Variants in NUP210L observed in about 807,000 individuals in gnomAD.
The protein encoded by NUP210L is nuclear pore membrane glycoprotein 210-like.
NUP210L carries 74 observed loss-of-function variants against 208.5 expected under a neutral mutation model. The observed-to-expected ratio is 0.35, with a 90% CI of 0.29 to 0.43. The LOEUF is 0.43. Ranked by LOEUF, NUP210L falls within the 20% of genes least tolerant of loss-of-function variation. NUP210L has a pLI of 1.00. For missense variants in NUP210L, 1,843 were observed against 2,289.4 expected (o/e 0.81, Z 3.98); for synonymous variants, 780 against 816.9 (o/e 0.95, Z 0.77).
At chr1:154,131,230 CCACTGCACTCCAGCCCGGG>C (rs1658236065) in intron 7 of NUP210L, among the ~76,000 whole-genome samples, 1 of 150,874 alleles carries the variant, frequency 6.6e-6, no homozygotes, top group Non-Finnish European at 1.5e-5. Context: ...CAAGATGGCG[CCACTGCACTCCAGCCCGGG>C]CAACAGAGCG....
At chr1:154,095,229 T>C in intron 14 of NUP210L, 73 bp from the exon 15 acceptor site, 1 of 1,073,430 alleles carries the variant, frequency 9.3e-7, no homozygotes, top group Non-Finnish European at 1.4e-6. Flanking sequence ...AAACACTAGT[T>C]ATCTGAATAT....
At chr1:154,096,089 T>C (rs1656167551) in intron 14 of NUP210L, among the ~76,000 whole-genome samples, 1 of 152,182 alleles carries the variant, frequency 6.6e-6, no homozygotes, top group Admixed American at 6.5e-5. Flanking sequence ...ATGCTATCCA[T>C]TCCCGAGGCC....
chr1:154,023,344 A>C, intron 30 of NUP210L, 47 bp from the exon 31 acceptor site: 2 of 1,437,926 alleles, frequency 1.4e-6, no homozygotes, highest in African/African-American at 2.8e-5. Flanking sequence ...GCACTGGAGA[A>C]GTGCTGCAAC....
chr1:154,154,839 CA>C lies in NUP210L; in HGVS notation c.203+2del. The C allele has an allele frequency of 6.2e-7, 1 of 1,613,186 alleles. No individual in the cohort carries two copies. The highest frequency in any genetic ancestry group is 8.5e-7 in the Non-Finnish European group (1 of 1,179,130). The stretch of plus-strand genomic sequence containing the variant: ...CATATCCTTGTCACCCACCACCCCT[CA>C]CCAAGTGTAGCAGCCCCGCTGGGCC... On this transcript the variant is annotated splice_donor_variant, in intron 1 of 39. Coordinates refer to ENST00000368559, the Ensembl canonical transcript of NUP210L. LOFTEE classifies it high-confidence loss of function.
intron 35 of NUP210L, among the ~76,000 whole-genome samples, chr1:154,005,252 G>A (rs936422826): frequency 6.6e-6 from 1 of 150,722 alleles, no homozygotes; most frequent in African/African-American, 2.4e-5. Context: ...ATGGAGTCTT[G>A]TCTGTCGCCC....
intron 38 of NUP210L, among the ~76,000 whole-genome samples, chr1:153,993,790 C>T (rs187728368): frequency 2.0e-5 from 3 of 152,046 alleles, no homozygotes; most frequent in African/African-American, 4.8e-5. Context: ...TCCAGCTACT[C>T]GAGAGGCTGA....
chr1:154,012,701 C>T, intron 33 of NUP210L, among the ~76,000 whole-genome samples: 1 of 152,044 alleles, frequency 6.6e-6, no homozygotes, highest in East Asian at 1.9e-4. Context: ...TGTCACCATG[C>T]CTAACCAACA....
intron 37 of NUP210L, chr1:153,995,797 A>T: frequency 1.5e-6 from 1 of 647,442 alleles, no homozygotes; most frequent in Non-Finnish European, 2.9e-6. Context: ...ACTTCAAGGG[A>T]TTCGTGCCGT....
chr1:154,078,384 C>T (rs1020522967), intron 16 of NUP210L, among the ~76,000 whole-genome samples: 1 of 151,962 alleles, frequency 6.6e-6, no homozygotes, highest in Non-Finnish European at 1.5e-5. Context: ...CATTTGAGGT[C>T]AGGAGTTCAA....
intron 3 of NUP210L, among the ~76,000 whole-genome samples, chr1:154,141,947 A>C (rs1183936337): frequency 6.6e-6 from 1 of 152,110 alleles, no homozygotes. Flanking sequence ...GGATCGCTGG[A>C]ACCCAGGAGT....
intron 10 of NUP210L, among the ~76,000 whole-genome samples, chr1:154,125,742 GGAGGGAAA>G (rs1657908660): frequency 4.4e-5 from 1 of 22,498 alleles, no homozygotes; most frequent in African/African-American, 1.2e-4. Context: ...AGGAAGGGAG[GGAGGGAAA>G]TGTTTTTTTT....
chr1:154,122,915 G>A lies in NUP210L; in HGVS notation c.1326+3408C>T, dbSNP rs746712679. 5.9e-5 allele frequency among the ~76,000 whole-genome samples: 9 copies of A among 151,824 alleles called. 1 individual carries two copies. The highest frequency in any genetic ancestry group is 1.3e-4 in the Non-Finnish European group (9 of 67,968). ...TCTACAAAAAAATTAGCTGGGAGTGGTGGAATGCACCTGTAGTCCCAGCTA... is the reference window on the plus strand; with the variant it reads ...TCTACAAAAAAATTAGCTGGGAGTGATGGAATGCACCTGTAGTCCCAGCTA... On this transcript the variant is annotated intron_variant, in intron 10 of 39. Coordinates refer to ENST00000368559, the Ensembl canonical transcript of NUP210L.
chr1:154,141,412 T>C lies in NUP210L; in HGVS notation c.566+19A>G, dbSNP rs761357711. On this transcript the variant is annotated intron_variant, in intron 4 of 39. Coordinates refer to ENST00000368559, the Ensembl canonical transcript of NUP210L. The stretch of plus-strand genomic sequence containing the variant: ...GTCTTCTTCATAGTCAGATGATTTA[T>C]GTTTGGTTTCAAGTTTACCTAATTT... 9.6e-6 allele frequency: 14 copies of C among 1,458,416 alleles called. No individual in the cohort carries two copies. The highest frequency in any genetic ancestry group is 1.3e-5 in the Non-Finnish European group (13 of 1,037,962). 90.3% of individuals were successfully genotyped at this position (1,458,416 alleles called of 1,614,324 possible). A position where few individuals can be genotyped will look rare whatever the true frequency, so the allele number is the denominator to read the frequency against.
intron 7 of NUP210L, 38 bp downstream of exon 7, chr1:154,135,776 A>AGT: frequency 6.4e-7 from 1 of 1,557,214 alleles, no homozygotes; most frequent in African/African-American, 1.4e-5. Context: ...TGCTCAAGGA[A>AGT]GTGTAGACTG....
chr1:154,029,398 AAAAC>A (rs1652087397), intron 28 of NUP210L, among the ~76,000 whole-genome samples: 1 of 148,014 alleles, frequency 6.8e-6, no homozygotes, highest in African/African-American at 2.5e-5. Context: ...AAAAAAAAAA[AAAAC>A]CACAAAAAAA....
intron 25 of NUP210L, among the ~76,000 whole-genome samples, chr1:154,047,766 A>G (rs1653266666): frequency 6.6e-6 from 1 of 151,666 alleles, no homozygotes; most frequent in Non-Finnish European, 1.5e-5. Flanking sequence ...CTGATTTCCC[A>G]CTCCACACTC....
intron 29 of NUP210L, 52 bp from the exon 30 acceptor site, chr1:154,025,768 A>T (rs779147812): frequency 6.6e-7 from 1 of 1,510,390 alleles, no homozygotes; most frequent in African/African-American, 1.4e-5. Flanking sequence ...GTCTGACCAG[A>T]GAGAAAAGAG....
chr1:154,155,050 C>G (rs951495455), exon 1 of NUP210L: 10 of 1,595,668 alleles, frequency 6.3e-6, no homozygotes, highest in Non-Finnish European at 8.5e-6. Context: ...GTCATGGCGA[C>G]TGCCAGGTCT....
At chr1:154,117,235 AG>A (rs1657375280) in intron 12 of NUP210L, among the ~76,000 whole-genome samples, 1 of 152,198 alleles carries the variant, frequency 6.6e-6, no homozygotes, top group East Asian at 1.9e-4. Context: ...ATGTTAAATA[AG>A]TGACTATTAA....
Sources: gnomAD v4.1 joint callset for allele counts (sites outside exome capture counted in the v4.1 genomes callset) on GRCh38, gnomAD v4.1.1 for gene constraint, MANE v1.5 for transcripts, NCBI Gene and HGNC (gene_info 2026-07-23, HGNC 2026-07-21) for gene names.